MARS1: variants seen among roughly 807,000 people sequenced by gnomAD.
MARS1 encodes the protein methionine--tRNA ligase, cytoplasmic.
In MARS1, 80 loss-of-function variants were observed where a neutral mutation model predicts 119.5. That is an observed-to-expected ratio of 0.67 (90% CI 0.56 to 0.81). The LOEUF (loss-of-function observed/expected upper bound fraction) is 0.81, where lower values mean the gene tolerates loss of function less well. MARS1 is among the 30% of genes least tolerant of loss of function. The pLI is 0.00. For synonymous variants in MARS1, 418 were observed against 433.4 expected (o/e 0.96, Z 0.44); for missense variants, 945 against 1,116.5 (o/e 0.85, Z 2.19).
At chr12:57,512,549 A>G in intron 14 of MARS1, 196 bp downstream of exon 14, 2 of 639,310 alleles carry the variant, frequency 3.1e-6, no homozygotes, top group East Asian at 2.7e-5. Flanking sequence ...AAAACTCTTT[A>G]GTAGATATAA....
At chr12:57,493,877 TAATATATA>T (rs1565641451) in intron 7 of MARS1, among the ~76,000 whole-genome samples, 2 of 46,114 alleles carry the variant, frequency 4.3e-5, no homozygotes, top group Non-Finnish European at 7.1e-5. Flanking sequence ...ATAATATATA[TAATATATA>T]ATATATATTT....
At chr12:57,506,610 T>C (rs1015767490) in intron 11 of MARS1, among the ~76,000 whole-genome samples, 1 of 152,200 alleles carries the variant, frequency 6.6e-6, no homozygotes, top group Non-Finnish European at 1.5e-5. Flanking sequence ...TCAGGTGTTA[T>C]TCAATTTGTT....
intron 7 of MARS1, 41 bp downstream of exon 7, chr12:57,490,685 A>G (rs1565637968): frequency 1.9e-6 from 3 of 1,555,888 alleles, no homozygotes; most frequent in Admixed American, 3.4e-5. Flanking sequence ...TTGATTTTGT[A>G]GTGGAAATTG....
In MARS1 at chr12:57,512,101, C is replaced by G. The variant is rs904924314; in HGVS notation, c.1633C>G (p.Gln545Glu). The G allele has an allele frequency of 6.2e-7, 1 of 1,614,136 alleles. No individual in the cohort carries two copies. Among genetic ancestry groups the G allele is most frequent in the South Asian group, 1.1e-5 (1 of 91,080 alleles). The change falls in exon 13 of 21, where the codon CAA (glutamine) becomes GAA (glutamate). Residue 545 changes from glutamine (Q) to glutamate (E), a missense_variant and splice_region_variant. Gln to Glu is a conservative substitution (Grantham distance 29). Transcript: ENST00000262027. Reference sequence around the variant, plus strand: ...GGAGAGATGGTGGAAGAACCCAGAGCAAGTGAGCAGTTCTTGGTTAGGCTG... The same window carrying G: ...GGAGAGATGGTGGAAGAACCCAGAGGAAGTGAGCAGTTCTTGGTTAGGCTG... ...QWERWWKNPE[Q>E]VDLYQFMAKD...
chr12:57,511,579 T>A, intron 11 of MARS1, 119 bp from the exon 12 acceptor site: 6 of 978,900 alleles, frequency 6.1e-6, no homozygotes, highest in Non-Finnish European at 9.3e-6. Flanking sequence ...CAAGACTCTG[T>A]CTCCAAAAAA....
chr12:57,501,212 C>T (rs1235987910), intron 10 of MARS1, among the ~76,000 whole-genome samples: 1 of 152,226 alleles, frequency 6.6e-6, no homozygotes, highest in East Asian at 1.9e-4. Flanking sequence ...GCAGAATTGG[C>T]AAGGCCAGTA....
intron 15 of MARS1, 92 bp from the exon 16 acceptor site, chr12:57,514,628 A>C: frequency 1.3e-6 from 2 of 1,501,260 alleles, no homozygotes; most frequent in Non-Finnish European, 1.8e-6. Flanking sequence ...GAGAGAATGT[A>C]CAGCTGTGGA....
At chr12:57,488,387 C>A in intron 1 of MARS1, 188 bp downstream of exon 1, 1 of 722,278 alleles carries the variant, frequency 1.4e-6, no homozygotes. Flanking sequence ...TTTAATTACC[C>A]TCAATATAAT....
At chr12:57,488,470 C>G in intron 1 of MARS1, 1 of 1,224,210 alleles carries the variant, frequency 8.2e-7, no homozygotes, top group Non-Finnish European at 1.2e-6. Flanking sequence ...ACTGCTCTTC[C>G]CTTCCCAACC....
chr12:57,490,013 T>C (rs748279915), intron 5 of MARS1, 42 bp downstream of exon 5: 20 of 1,584,410 alleles, frequency 1.3e-5, no homozygotes, highest in African/African-American at 2.7e-5. Context: ...GAGCTTGGTG[T>C]AGGGGTTACA....
At chr12:57,515,424 G>A (rs891080792) in intron 18 of MARS1, 88 bp downstream of exon 18, 8 of 1,325,018 alleles carry the variant, frequency 6.0e-6, no homozygotes, top group Non-Finnish European at 7.2e-6. Context: ...CATCTCTCCA[G>A]TGTTACTTTG....
rs148585262 is a variant in MARS1 at position 57,488,357 on chromosome 12, C to T, written c.109+158C>T. 1.5e-4 allele frequency: 112 copies of T among 743,116 alleles called. No individual in the cohort carries two copies. The East Asian group carries it at 2.9e-3, about 19-fold the overall frequency. 46.0% of individuals were successfully genotyped at this position (743,116 alleles called of 1,614,324 possible). A position where few individuals can be genotyped will look rare whatever the true frequency, so the allele number is the denominator to read the frequency against. ...GATCACTCCACGCCTTCTTCCCTCC[C>T]AGTCACATCTTTCACTTCCTTTAAT... On this transcript the variant is annotated intron_variant, in intron 1 of 20. Coordinates refer to ENST00000262027, the MANE Select transcript of MARS1 (RefSeq NM_004990.4).
chr12:57,508,808 C>T (rs924161154), intron 11 of MARS1, among the ~76,000 whole-genome samples: 2 of 152,102 alleles, frequency 1.3e-5, no homozygotes, highest in Admixed American at 6.5e-5. Flanking sequence ...ATGATTCACC[C>T]GCCTTAGCCT....
chr12:57,502,510 A>C (rs1876963194), intron 10 of MARS1, among the ~76,000 whole-genome samples: 1 of 151,852 alleles, frequency 6.6e-6, no homozygotes, highest in Non-Finnish European at 1.5e-5. Flanking sequence ...AGTTCAGACC[A>C]GTCTGACCAA....
chr12:57,493,024 C>T lies in MARS1; in HGVS notation c.770+2380C>T, dbSNP rs558898059. Among the ~76,000 whole-genome samples, 3 of 151,990 alleles carry T rather than the reference C, an allele frequency of 2.0e-5. No homozygotes were observed. In the South Asian group the frequency reaches 6.2e-4, roughly 32 times the overall value. On this transcript the variant is annotated intron_variant, in intron 7 of 20. Coordinates refer to ENST00000262027, the MANE Select transcript of MARS1 (RefSeq NM_004990.4). ...CATCTTACCTGCCTGATGCACAACT[C>T]TTCTTGCAGAGAGGAGTTCTGCCTT...
Position 57,498,219 on chromosome 12 carries a change from T to G in MARS1, c.833T>G (p.Val278Gly), listed in dbSNP as rs1314931076. 1 of 1,614,168 alleles carries G rather than the reference T, an allele frequency of 6.2e-7. No homozygotes were observed. Among genetic ancestry groups the G allele is most frequent in the Non-Finnish European group, 8.5e-7 (1 of 1,180,024 alleles). ...ITSALPYVNN[V>G]PHLGNIIGCV... ...AGTGCCCTCCCTTACGTCAACAATG[T>G]CCCCCACCTTGGGAACATCATTGGT... is the stretch of plus-strand genomic sequence containing the variant. Residue 278 changes from valine (V) to glycine (G), a missense_variant, in exon 8 of 21, where the codon GTC (valine) becomes GGC (glycine). Transcript: ENST00000262027.
At chr12:57,510,326 G>A (rs1877447109) in intron 11 of MARS1, among the ~76,000 whole-genome samples, 1 of 152,042 alleles carries the variant, frequency 6.6e-6, no homozygotes, top group South Asian at 2.1e-4. Context: ...ACAAAAATTA[G>A]CCAGGCGTGG....
rs1173072770 is a variant in MARS1 at position 57,515,375 on chromosome 12, T to C, written c.2391+39T>C. On this transcript the variant is annotated intron_variant, in intron 18 of 20. Transcript: ENST00000262027. ...CCAGCCTCTCTTAAAATTGATACTC[T>C]TGCCATGCAGCTTTTGGAGTGGGTG... 1.9e-6 allele frequency: 3 copies of C among 1,589,578 alleles called. No individual in the cohort carries two copies. The Admixed American group carries it at 5.1e-5, about 27-fold the overall frequency.
intron 1 of MARS1, 27 bp downstream of exon 1, chr12:57,488,226 T>C (rs767693849): frequency 2.5e-6 from 4 of 1,591,580 alleles, no homozygotes; most frequent in Admixed American, 3.4e-5. Context: ...TGGTGGGCGG[T>C]GGATGGGGGG....
Sources: gnomAD v4.1 joint callset for allele counts (sites outside exome capture counted in the v4.1 genomes callset) on GRCh38, gnomAD v4.1.1 for gene constraint, MANE v1.5 for transcripts, NCBI Gene and HGNC (gene_info 2026-07-23, HGNC 2026-07-21) for gene names.